The following RFX3 variants were observed in gnomAD, a reference collection of about 807,000 sequenced individuals.
RFX3 encodes the protein transcription factor RFX3.
In RFX3, 14 loss-of-function variants were observed where a neutral mutation model predicts 98.6. That is an observed-to-expected ratio of 0.14 (90% CI 0.09 to 0.22). The LOEUF (loss-of-function observed/expected upper bound fraction) is 0.22. Ranked by LOEUF, RFX3 falls within the 10% of genes least tolerant of loss-of-function variation. The pLI is 1.00. For synonymous variants in RFX3, 383 were observed against 328.4 expected, an observed-to-expected ratio of 1.17 and a Z score of -1.80; for missense variants, 639 against 926.9, an observed-to-expected ratio of 0.69 and a Z score of 4.03.
chr9:3,372,116 G>C (rs1251325937), intron 2 of RFX3, among the ~76,000 whole-genome samples: 6 of 152,042 alleles, frequency 3.9e-5, no homozygotes, highest in Admixed American at 3.9e-4. Flanking sequence ...GTATTTCTTT[G>C]CCTGAGAGAT....
intron 1 of RFX3, among the ~76,000 whole-genome samples, chr9:3,508,976 CAGAA>C (rs755703779): frequency 4.6e-5 from 7 of 151,692 alleles, no homozygotes; most frequent in Non-Finnish European, 1.0e-4. Flanking sequence ...CACACACACA[CAGAA>C]AGAGAGACAC....
At chr9:3,385,333 A>G (rs1230132070) in intron 2 of RFX3, among the ~76,000 whole-genome samples, 2 of 152,216 alleles carry the variant, frequency 1.3e-5, no homozygotes, top group Non-Finnish European at 2.9e-5. Flanking sequence ...ATAGGAAAGA[A>G]ATTGTATGTC....
chr9:3,362,566 C>T (rs1836581233), intron 2 of RFX3, among the ~76,000 whole-genome samples: 1 of 152,152 alleles, frequency 6.6e-6, no homozygotes, highest in South Asian at 2.1e-4. Flanking sequence ...AAACATGAAA[C>T]TTATGCTTTA....
intron 1 of RFX3, among the ~76,000 whole-genome samples, chr9:3,521,176 C>G (rs1050138984): frequency 6.6e-6 from 1 of 152,006 alleles, no homozygotes; most frequent in Non-Finnish European, 1.5e-5. Flanking sequence ...AGCCACATAT[C>G]GCCAAATAGT....
intron 5 of RFX3, among the ~76,000 whole-genome samples, chr9:3,294,591 C>A (rs946848198): frequency 6.6e-6 from 1 of 151,990 alleles, no homozygotes; most frequent in Non-Finnish European, 1.5e-5. Flanking sequence ...AACTTAGAAC[C>A]TGAATTTTCA....
chr9:3,274,525 A>T (rs1824942816), intron 9 of RFX3, among the ~76,000 whole-genome samples: 1 of 152,164 alleles, frequency 6.6e-6, no homozygotes, highest in Admixed American at 6.6e-5. Flanking sequence ...CCAGACAATG[A>T]AGCAAATTCT....
At chr9:3,264,212 G>A (rs1586795235) in intron 12 of RFX3, among the ~76,000 whole-genome samples, 1 of 152,108 alleles carries the variant, frequency 6.6e-6, no homozygotes, top group African/African-American at 2.4e-5. Flanking sequence ...AATGCAAAAT[G>A]TCTACATGAA....
intron 1 of RFX3, among the ~76,000 whole-genome samples, chr9:3,477,562 C>G (rs542218879): frequency 6.6e-6 from 1 of 152,240 alleles, no homozygotes; most frequent in Non-Finnish European, 1.5e-5. Context: ...TTCCTTGTAA[C>G]AAGTCATTTT....
intron 2 of RFX3, among the ~76,000 whole-genome samples, chr9:3,368,942 T>A (rs1837510774): frequency 6.6e-6 from 1 of 152,230 alleles, no homozygotes; most frequent in African/African-American, 2.4e-5. Flanking sequence ...TCAGGAACAA[T>A]GTCTATTTCT....
intron 2 of RFX3, among the ~76,000 whole-genome samples, chr9:3,380,610 T>A (rs1010179419): frequency 3.3e-5 from 5 of 152,174 alleles, no homozygotes; most frequent in Admixed American, 6.5e-5. Flanking sequence ...CAAATTCAAG[T>A]CACTATCCCT....
chr9:3,236,607 C>A (rs946611573), intron 15 of RFX3, among the ~76,000 whole-genome samples: 1 of 152,154 alleles, frequency 6.6e-6, no homozygotes, highest in African/African-American at 2.4e-5. Context: ...CAGAGGTGGG[C>A]AGTCAGAGGC....
intron 1 of RFX3, among the ~76,000 whole-genome samples, chr9:3,429,085 C>CT (rs1844392154): frequency 1.3e-5 from 2 of 149,400 alleles, no homozygotes; most frequent in African/African-American, 2.5e-5. Flanking sequence ...TGCGGTGGCG[C>CT]GATCTCGGCT....
At chr9:3,507,680 A>G (rs1169985181) in intron 1 of RFX3, among the ~76,000 whole-genome samples, 1 of 151,996 alleles carries the variant, frequency 6.6e-6, no homozygotes, top group Non-Finnish European at 1.5e-5. Context: ...GTATTTGTGT[A>G]TAGCCTGTAC....
chr9:3,361,661 GAAAAAAAAAA>G (rs71324242), intron 2 of RFX3, among the ~76,000 whole-genome samples: 3 of 87,800 alleles, frequency 3.4e-5, no homozygotes, highest in South Asian at 7.9e-4. Context: ...GTTTCTTTAG[GAAAAAAAAAA>G]AAAAAAAAAA....
At chr9:3,345,794 A>G (rs1834383528) in intron 3 of RFX3, among the ~76,000 whole-genome samples, 1 of 152,156 alleles carries the variant, frequency 6.6e-6, no homozygotes, top group South Asian at 2.1e-4. Context: ...TACAGTAGTG[A>G]ATAAAAACAA....
intron 14 of RFX3, among the ~76,000 whole-genome samples, chr9:3,249,668 A>T (rs1333753551): frequency 6.6e-6 from 1 of 152,134 alleles, no homozygotes; most frequent in Non-Finnish European, 1.5e-5. Context: ...TACTAAAATA[A>T]TAATAATAAG....
intron 1 of RFX3, among the ~76,000 whole-genome samples, chr9:3,498,087 G>A (rs1242694122): frequency 6.6e-6 from 1 of 151,930 alleles, no homozygotes; most frequent in Admixed American, 6.6e-5. Context: ...TCTTTTGATG[G>A]AAGCATCTTG....
chr9:3,293,319 G>C lies in RFX3; in HGVS notation c.550-61C>G, dbSNP rs1482796295. 6.3e-6 allele frequency: 8 copies of C among 1,260,880 alleles called. No homozygotes were observed. The East Asian group carries it at 1.7e-4, about 27-fold the overall frequency. 78.1% of individuals were successfully genotyped at this position (1,260,880 alleles called of 1,614,324 possible). A position where few individuals can be genotyped will look rare whatever the true frequency, so the allele number is the denominator to read the frequency against. The stretch of plus-strand genomic sequence containing the variant: ...ACATAATTTGCCAAAATTTCTACAA[G>C]ACACTGCAAATGCAACATACAGAAA... On this transcript the variant is annotated intron_variant, in intron 5 of 16. Transcript: ENST00000617270.
chr9:3,443,412 G>A (rs7030212), intron 1 of RFX3, among the ~76,000 whole-genome samples: 21,556 of 152,040 alleles, frequency 0.14, 2,117 homozygotes, highest in African/African-American at 0.28. Flanking sequence ...GTGTCCATGC[G>A]TTCTCATCAT....
Sources: allele counts gnomAD v4.1 joint callset (sites outside exome capture counted in the v4.1 genomes callset), GRCh38; gene constraint gnomAD v4.1.1; transcripts MANE v1.5; gene names NCBI Gene and HGNC (gene_info 2026-07-23, HGNC 2026-07-21).